Variants in NIBAN2 observed in about 807,000 individuals in gnomAD.
NIBAN2 encodes the protein niban apoptosis regulator 2.
In NIBAN2, 36 loss-of-function variants were observed where a neutral mutation model predicts 81.8. The observed-to-expected ratio is 0.44, with a 90% CI of 0.34 to 0.58. The LOEUF is 0.58. Ranked by LOEUF, NIBAN2 falls within the 20% of genes least tolerant of loss-of-function variation. The pLI, the probability that NIBAN2 is intolerant of heterozygous loss-of-function variation, is 0.02. For missense variants in NIBAN2, 897 were observed against 1,014.1 expected (o/e 0.88, Z 1.57); for synonymous variants, 445 against 441.6 (o/e 1.01, Z -0.10).
upstream of NIBAN2, among the ~76,000 whole-genome samples, chr9:127,571,174 C>T (rs1035519582): frequency 1.3e-5 from 2 of 151,522 alleles, no homozygotes; most frequent in African/African-American, 4.9e-5. Flanking sequence ...CTTCGTGGCA[C>T]ACCCAAGCCT....
In NIBAN2 at chr9:127,530,818, TAGG is replaced by T. The variant is rs141234910; in HGVS notation, c.186+827_186+829del. 3.1e-3 allele frequency among the ~76,000 whole-genome samples: 472 copies of T among 152,132 alleles called. 6 individuals carry two copies. The East Asian group carries it at 0.046, about 15-fold the overall frequency. ...AGCTCTGATGGTGGAGGAGGTGAGC[TAGG>T]AGGAGTCACCCACGGTGACTGAAGG... is the stretch of plus-strand genomic sequence containing the variant. On this transcript the variant is annotated intron_variant, in intron 2 of 13. Coordinates refer to ENST00000373312, the MANE Select transcript of NIBAN2 (RefSeq NM_022833.4).
Position 127,517,513 on chromosome 9 carries a change from T to C in NIBAN2, c.706-297A>G. ...CCTGCTTTGCCTGCACATGGAAGTG[T>C]ACATTTATTTGCCAAATGTCTGTTT... On this transcript the variant is annotated intron_variant, in intron 6 of 13. Transcript: ENST00000373312. The surrounding 1 kb of genome is among the most constrained non-coding windows in gnomAD (Gnocchi z 4.0). 6.6e-6 allele frequency among the ~76,000 whole-genome samples: 1 copy of C among 152,200 alleles called. No individual in the cohort carries two copies. The highest frequency in any genetic ancestry group is 1.5e-5 in the Non-Finnish European group (1 of 68,034).
Position 127,509,192 on chromosome 9 carries a change from C to G in NIBAN2, c.1162-61G>C, listed in dbSNP as rs548651166. 75 of 1,504,594 alleles carry G rather than the reference C, an allele frequency of 5.0e-5. No individual in the cohort carries two copies. The African/African-American group carries it at 8.8e-4, about 18-fold the overall frequency. 93.2% of individuals were successfully genotyped at this position (1,504,594 alleles called of 1,614,324 possible). ...CGCCCTGTGGCCAGGCAGCACCCCC[C>G]ACACACTTTGCCTGGGTCCTCGAAG... On this transcript the variant is annotated intron_variant, in intron 9 of 13. Transcript: ENST00000373312.
intron 8 of NIBAN2, among the ~76,000 whole-genome samples, chr9:127,511,468 G>C (rs1182269150): frequency 1.3e-5 from 2 of 149,390 alleles, no homozygotes; most frequent in African/African-American, 4.9e-5. Flanking sequence ...CAAGTGCTGG[G>C]ATTACAGGCA....
rs1837082818 is a variant in NIBAN2, at chr9:127,527,094, T to C, written c.315+100A>G. ...CTGGCCCTGGTGACCGCGTGCAGGC[T>C]GTGACGGTGGCGTCTGGGGCCTAAG... On this transcript the variant is annotated intron_variant, in intron 3 of 13. Coordinates refer to ENST00000373312, the MANE Select transcript of NIBAN2 (RefSeq NM_022833.4). 4 of 1,465,674 alleles carry C rather than the reference T, an allele frequency of 2.7e-6. No individual in the cohort carries two copies. The South Asian group carries it at 4.6e-5, about 17-fold the overall frequency. 90.8% of individuals were successfully genotyped at this position (1,465,674 alleles called of 1,614,324 possible).
At chr9:127,518,329 C>T (rs1836872411) in intron 5 of NIBAN2, among the ~76,000 whole-genome samples, 1 of 152,184 alleles carries the variant, frequency 6.6e-6, no homozygotes, top group African/African-American at 2.4e-5. Context: ...CTAAAAGCTC[C>T]CGTCCCATAA....
intron 8 of NIBAN2, among the ~76,000 whole-genome samples, chr9:127,513,062 T>G (rs1339237189): frequency 1.3e-5 from 2 of 152,242 alleles, no homozygotes; most frequent in Non-Finnish European, 2.9e-5. Flanking sequence ...TTCAGTCATC[T>G]GCAACAACAT....
At chr9:127,556,638 A>C (rs1363249029) in intron 1 of NIBAN2, among the ~76,000 whole-genome samples, 2 of 152,218 alleles carry the variant, frequency 1.3e-5, no homozygotes, top group Non-Finnish European at 2.9e-5. Context: ...TTTACAGCCA[A>C]TGAAACTAAG....
Position 127,536,523 on chromosome 9 carries a change from G to A in NIBAN2, c.56-4745C>T, listed in dbSNP as rs540986286. On this transcript the variant is annotated intron_variant, in intron 1 of 13. Transcript: ENST00000373312. This position sits in a 1 kb window ranked among gnomAD's most constrained non-coding sequence, Gnocchi z 4.0. Reference sequence around the variant, plus strand: ...TTTACAACTCAAATTCCCACATGGCGTCCCGGCCTGGGTGTCTGTGGGGGT... The same window carrying A: ...TTTACAACTCAAATTCCCACATGGCATCCCGGCCTGGGTGTCTGTGGGGGT... Among the ~76,000 whole-genome samples the A allele has an allele frequency of 1.1e-4, 16 of 152,320 alleles. No homozygotes were observed. The East Asian group carries it at 2.1e-3, about 20-fold the overall frequency.
chr9:127,521,114 T>C (rs1836933369), intron 5 of NIBAN2, among the ~76,000 whole-genome samples: 2 of 152,024 alleles, frequency 1.3e-5, no homozygotes, highest in Non-Finnish European at 2.9e-5. Context: ...CGGTCTGTGG[T>C]ATTTGTTATG....
Position 127,508,981 on chromosome 9 carries a change from G to A in NIBAN2, c.1312C>T (p.Arg438Trp), listed in dbSNP as rs761557803. Residue 438 changes from arginine to tryptophan, a missense_variant, in exon 10 of 14, where the codon CGG (arginine) becomes TGG (tryptophan). By Grantham distance (101) the Arg-to-Trp change is moderately radical. Around this residue, in one of 3 missense-constraint regions of NIBAN2, gnomAD observed 619 missense variants for 691.0 expected, o/e 0.90. Coordinates refer to ENST00000373312, the MANE Select transcript of NIBAN2 (RefSeq NM_022833.4). The surrounding 1 kb of genome is among the most constrained non-coding windows in gnomAD (Gnocchi z 6.4). ...GGTCGTAGCCTCGGGTCTACCTCCCGCATGTGGATCTGGGCTCGCTGCTTG... is the reference window on the plus strand; with the variant it reads ...GGTCGTAGCCTCGGGTCTACCTCCCACATGTGGATCTGGGCTCGCTGCTTG... ...VFKQRAQIHM[R>W]EQMDNAVYTF... 40 of 1,613,550 alleles carry A rather than the reference G, an allele frequency of 2.5e-5. No individual in the cohort carries two copies. Among genetic ancestry groups the A allele is most frequent in the Admixed American group, 3.3e-5 (2 of 59,988 alleles).
At chr9:127,575,646 C>G (rs539601640) in intron 1 of NIBAN2, among the ~76,000 whole-genome samples, 1 of 151,392 alleles carries the variant, frequency 6.6e-6, no homozygotes, top group Non-Finnish European at 1.5e-5. Context: ...TCTCCTGCCT[C>G]AGCCTCCTGA....
chr9:127,543,547 A>G (rs949835428), intron 1 of NIBAN2, among the ~76,000 whole-genome samples: 1 of 152,174 alleles, frequency 6.6e-6, no homozygotes, highest in Non-Finnish European at 1.5e-5. Flanking sequence ...ACTATGGACT[A>G]ACTTGTCACC....
rs540941109 is a variant in NIBAN2 at position 127,532,439 on chromosome 9, T to C, written c.56-661A>G. On this transcript the variant is annotated intron_variant, in intron 1 of 13. Transcript: ENST00000373312. ...GGCGAAATCCTGTCTCTACTAAAAA[T>C]ACAAAAATCAGCAGGGCATGGTGGC... 4.0e-5 allele frequency among the ~76,000 whole-genome samples: 6 copies of C among 151,808 alleles called. No homozygotes were observed. In the East Asian group the frequency reaches 9.7e-4, roughly 25 times the overall value.
rs993522663 is a variant in NIBAN2, at chr9:127,536,565, CCT to C, written c.56-4789_56-4788del. ...TGTGGGGGTCCTGAGCCCGGGCACC[CCT>C]CTTTCCTCCATACTTGCCCACAGCA... On this transcript the variant is annotated intron_variant, in intron 1 of 13. Coordinates refer to ENST00000373312, the MANE Select transcript of NIBAN2 (RefSeq NM_022833.4). This position sits in a 1 kb window ranked among gnomAD's most constrained non-coding sequence, Gnocchi z 4.0. Among the ~76,000 whole-genome samples the C allele has an allele frequency of 2.6e-5, 4 of 152,226 alleles. No homozygotes were observed. Among genetic ancestry groups the C allele is most frequent in the African/African-American group, 9.6e-5 (4 of 41,466 alleles).
chr9:127,563,022 G>A lies in NIBAN2; in HGVS notation c.55+5798C>T, dbSNP rs972820059. 6.6e-6 allele frequency among the ~76,000 whole-genome samples: 1 copy of A among 152,214 alleles called. No homozygotes were observed. On this transcript the variant is annotated intron_variant, in intron 1 of 13. Coordinates refer to ENST00000373312, the MANE Select transcript of NIBAN2 (RefSeq NM_022833.4). The surrounding 1 kb of genome is among the most constrained non-coding windows in gnomAD (Gnocchi z 4.1). ...CCAGAGGATGAAGTGGTTATCGCAG[G>A]ACGGCGGGTGAGTGGTTCCTAGTCC...
At chr9:127,523,574 A>G in intron 5 of NIBAN2, 105 bp downstream of exon 5, 2 of 1,124,602 alleles carry the variant, frequency 1.8e-6, no homozygotes. Context: ...AACAGCCTGT[A>G]GAGCAGGGTT....
rs774790458 is a variant in NIBAN2, at chr9:127,508,388, A to G, written c.1434+34T>C. The stretch of plus-strand genomic sequence containing the variant: ...TGAGGCTCGGGGCTCGGCCTCGCCT[A>G]GGACGGTCCGGGGCAGGGCGTGGGG... On this transcript the variant is annotated intron_variant, in intron 11 of 13. Coordinates refer to ENST00000373312, the MANE Select transcript of NIBAN2 (RefSeq NM_022833.4). This position sits in a 1 kb window ranked among gnomAD's most constrained non-coding sequence, Gnocchi z 6.4. 1.3e-6 allele frequency: 2 copies of G among 1,540,614 alleles called. No homozygotes were observed. Among genetic ancestry groups the G allele is most frequent in the Non-Finnish European group, 1.8e-6 (2 of 1,123,402 alleles).
At chr9:127,535,962 T>A (rs1467217218) in intron 1 of NIBAN2, among the ~76,000 whole-genome samples, 2 of 151,722 alleles carry the variant, frequency 1.3e-5, no homozygotes, top group Middle Eastern at 3.4e-3. Context: ...GGGGACAGCA[T>A]TAGCAAGGGG....
Sources: allele counts gnomAD v4.1 joint callset (sites outside exome capture counted in the v4.1 genomes callset), GRCh38; gene constraint gnomAD v4.1.1; regional missense constraint gnomAD v4.1.1; non-coding constraint Gnocchi (gnomAD v3.1); transcripts MANE v1.5; gene names NCBI Gene and HGNC (gene_info 2026-07-23, HGNC 2026-07-21).